The following ANKRD27 variants were observed in gnomAD, a reference collection of about 807,000 sequenced individuals.
The protein encoded by ANKRD27 is ankyrin repeat domain-containing protein 27.
ANKRD27 carries 112 observed loss-of-function variants against 129.7 expected under a neutral mutation model. The observed-to-expected ratio is 0.86, with a 90% CI of 0.74 to 1.01. The LOEUF is 1.01. Ranked by LOEUF, ANKRD27 falls within the 50% of genes least tolerant of loss-of-function variation. ANKRD27 has a pLI of 0.00. For synonymous variants in ANKRD27, 516 were observed against 511.2 expected (o/e 1.01, Z -0.13); for missense variants, 1,258 against 1,300.5 (o/e 0.97, Z 0.50).
At chr19:32,637,140 G>T (rs1377618545) in intron 12 of ANKRD27, among the ~76,000 whole-genome samples, 1 of 152,170 alleles carries the variant, frequency 6.6e-6, no homozygotes, top group Non-Finnish European at 1.5e-5. Flanking sequence ...TGAATGGGGT[G>T]GAAATGCCTG....
At chr19:32,667,228 A>G (rs1388000161) in intron 1 of ANKRD27, among the ~76,000 whole-genome samples, 1 of 152,266 alleles carries the variant, frequency 6.6e-6, no homozygotes, top group Admixed American at 6.5e-5. Context: ...AACATGCTGC[A>G]CGGCCCCTGC....
chr19:32,604,904 A>C (rs1433014723), intron 24 of ANKRD27, among the ~76,000 whole-genome samples: 2 of 151,558 alleles, frequency 1.3e-5, no homozygotes, highest in Non-Finnish European at 2.9e-5. Context: ...CTAAAAAAAA[A>C]CACCAAAAAA....
At chr19:32,643,819 T>C in intron 5 of ANKRD27, 188 bp from the exon 6 acceptor site, 1 of 611,984 alleles carries the variant, frequency 1.6e-6, no homozygotes, top group Non-Finnish European at 2.9e-6. Context: ...CCCTTGGGGT[T>C]AACACAGAGG....
chr19:32,669,692 C>T (rs1346075606), intron 1 of ANKRD27, among the ~76,000 whole-genome samples: 2 of 152,016 alleles, frequency 1.3e-5, no homozygotes, highest in African/African-American at 4.8e-5. Context: ...GAGGTAAGGA[C>T]CAGAGACAGA....
Position 32,607,713 on chromosome 19 carries a change from C to A in ANKRD27, c.2295G>T (p.Lys765Asn), listed in dbSNP as rs143978839. The A allele has an allele frequency of 4.8e-5, 77 of 1,613,226 alleles. No homozygotes were observed. The African/African-American group carries it at 9.3e-4, about 20-fold the overall frequency. Reference protein sequence around the residue: ...GRADLIPLLLKHGANAGARNA... With the variant: ...GRADLIPLLLNHGANAGARNA... ...TCCTGGCACCTGCGTTGGCCCCGTG[C>A]TTCAGCAGGAGGGGGATGAGGTCCG... Residue 765 changes from lysine to asparagine, a missense_variant, in exon 23 of 29, where the codon AAG becomes AAT. Physicochemically the swap from Lys to Asn is moderately conservative, Grantham distance 94. Coordinates refer to ENST00000306065, the MANE Select transcript of ANKRD27 (RefSeq NM_032139.3).
chr19:32,615,612 A>C, intron 22 of ANKRD27, 46 bp downstream of exon 22: 2 of 1,613,822 alleles, frequency 1.2e-6, no homozygotes, highest in Non-Finnish European at 8.5e-7. Context: ...CAAAAACAAA[A>C]ATTGCCTACA....
chr19:32,598,091 C>T lies in ANKRD27; in HGVS notation c.*54G>A. On this transcript the variant is annotated 3_prime_UTR_variant, in exon 29 of 29. Transcript: ENST00000306065. The stretch of plus-strand genomic sequence containing the variant: ...TCTCAGATGTGTTCACGCTCAGCAT[C>T]ATCTTGTTGCATCCTTGCTTCCTAG... 1 of 1,520,636 alleles carries T rather than the reference C, an allele frequency of 6.6e-7. No homozygotes were observed. Among genetic ancestry groups the T allele is most frequent in the Non-Finnish European group, 9.1e-7 (1 of 1,096,258 alleles). 94.2% of individuals were successfully genotyped at this position (1,520,636 alleles called of 1,614,324 possible). A position where few individuals can be genotyped will look rare whatever the true frequency, so the allele number is the denominator to read the frequency against.
At chr19:32,618,179 T>C (rs1237061026) in intron 20 of ANKRD27, among the ~76,000 whole-genome samples, 2 of 151,560 alleles carry the variant, frequency 1.3e-5, no homozygotes, top group East Asian at 1.9e-4. Context: ...ATCAGTGGAA[T>C]TGTATAAATG....
chr19:32,599,700 T>C lies in ANKRD27; in HGVS notation c.2919+4A>G, dbSNP rs770451935. The C allele has an allele frequency of 3.4e-5, 54 of 1,611,480 alleles. No homozygotes were observed. The highest frequency in any genetic ancestry group is 4.2e-5 in the Non-Finnish European group (49 of 1,179,256). On this transcript the variant is annotated splice_donor_region_variant and intron_variant, in intron 28 of 28. Transcript: ENST00000306065. ...TGATTAAAAGCCAGTGTTTAATAACTTACCTCATGCAAAGAACCTTCGGTT... is the reference window on the plus strand; with the variant it reads ...TGATTAAAAGCCAGTGTTTAATAACCTACCTCATGCAAAGAACCTTCGGTT...
intron 22 of ANKRD27, among the ~76,000 whole-genome samples, chr19:32,611,635 G>T (rs139336401): frequency 0.053 from 8,111 of 152,248 alleles, 732 homozygotes; most frequent in African/African-American, 0.19. Flanking sequence ...AGGCTAGAGT[G>T]CAATGGCACG....
intron 1 of ANKRD27, among the ~76,000 whole-genome samples, chr19:32,661,969 C>G (rs1184456112): frequency 6.6e-6 from 1 of 152,152 alleles, no homozygotes. Context: ...ATTGGCATGC[C>G]TATCCTCTGG....
At chr19:32,628,196 CAG>C in intron 14 of ANKRD27, 31 bp from the exon 15 acceptor site, 1 of 1,590,936 alleles carries the variant, frequency 6.3e-7, no homozygotes, top group Non-Finnish European at 8.6e-7. Flanking sequence ...GAAAACTACA[CAG>C]GGGAATGGCA....
chr19:32,617,955 T>C (rs1971947180), intron 20 of ANKRD27, among the ~76,000 whole-genome samples: 1 of 151,908 alleles, frequency 6.6e-6, no homozygotes, highest in South Asian at 2.1e-4. Context: ...ACAGGGTTTC[T>C]CCATATTGGT....
intron 17 of ANKRD27, among the ~76,000 whole-genome samples, chr19:32,624,714 G>C (rs994289179): frequency 3.3e-5 from 5 of 152,160 alleles, no homozygotes; most frequent in Non-Finnish European, 1.5e-5. Context: ...GCTGAGGTGG[G>C]AGGATTACTT....
At chr19:32,607,869 AG>A in intron 22 of ANKRD27, 37 bp from the exon 23 acceptor site, 1 of 1,565,580 alleles carries the variant, frequency 6.4e-7, no homozygotes, top group Non-Finnish European at 8.7e-7. Flanking sequence ...AAACGTCATC[AG>A]TATTGAAGAA....
intron 15 of ANKRD27, 100 bp from the exon 16 acceptor site, chr19:32,626,927 G>C: frequency 1.4e-6 from 1 of 732,940 alleles, no homozygotes; most frequent in Non-Finnish European, 2.2e-6. Flanking sequence ...CTAGTCCTGG[G>C]CATGAAACCC....
At chr19:32,624,856 C>A (rs1289061449) in intron 17 of ANKRD27, among the ~76,000 whole-genome samples, 1 of 152,056 alleles carries the variant, frequency 6.6e-6, no homozygotes, top group Non-Finnish European at 1.5e-5. Flanking sequence ...ATGGCTTGAG[C>A]CAGGAGGCTA....
rs1243565729 is a variant in ANKRD27 at position 32,643,327 on chromosome 19, T to C, written c.665A>G (p.Asn222Ser). The C allele has an allele frequency of 3.1e-6, 5 of 1,613,806 alleles. No homozygotes were observed. The highest frequency in any genetic ancestry group is 2.2e-5 in the South Asian group (2 of 91,054). The change falls in exon 8 of 29, where the codon AAC becomes AGC. Residue 222 changes from asparagine to serine, a missense_variant. Coordinates refer to ENST00000306065, the MANE Select transcript of ANKRD27 (RefSeq NM_032139.3). ...GGTCCCCACGTATTTAAAGATCAGG[T>C]TGTAAATTTCATGATGGACGTATAT... is the stretch of plus-strand genomic sequence containing the variant. The part of the protein sequence containing the change: ...VEIYVHHEIY[N>S]LIFKYVGTME...
intron 18 of ANKRD27, 115 bp from the exon 19 acceptor site, chr19:32,619,668 G>T (rs1971978771): frequency 1.5e-6 from 2 of 1,300,374 alleles, no homozygotes; most frequent in South Asian, 2.4e-5. Context: ...TCAGTGCAGT[G>T]AGCCTTAGGT....
Sources: gnomAD v4.1 joint callset for allele counts (sites outside exome capture counted in the v4.1 genomes callset) on GRCh38, gnomAD v4.1.1 for gene constraint, MANE v1.5 for transcripts, NCBI Gene and HGNC (gene_info 2026-07-23, HGNC 2026-07-21) for gene names.